ADGRB1: variants seen among roughly 807,000 people sequenced by gnomAD.
ADGRB1 encodes brain-specific angiogenesis inhibitor 1.
Under a neutral mutation model 175.7 loss-of-function variants are expected in ADGRB1, and 36 were observed. The ratio of observed to expected loss-of-function variants is 0.20; its 90% CI spans 0.16 to 0.27. ADGRB1 has a LOEUF of 0.27. Ranked by LOEUF, ADGRB1 falls within the 10% of genes least tolerant of loss-of-function variation. ADGRB1 has a pLI of 1.00. For synonymous variants in ADGRB1, 1,054 were observed against 979.4 expected (o/e 1.08, Z -1.42); for missense variants, 1,731 against 2,255.3 (o/e 0.77, Z 4.71).
chr8:142,473,694 G>A (rs1178909084), intron 2 of ADGRB1, among the ~76,000 whole-genome samples: 1 of 152,228 alleles, frequency 6.6e-6, no homozygotes, highest in Admixed American at 6.5e-5. Flanking sequence ...TGGGACCTGT[G>A]GGAGTATGGC....
rs373830140 is a variant in ADGRB1, at chr8:142,539,245, G to A, written c.3667-129G>A. 3.3e-3 allele frequency: 3,067 copies of A among 923,096 alleles called. 39 individuals are homozygous for A. The highest frequency in any genetic ancestry group is 0.026 in the South Asian group (1,584 of 59,994). 57.2% of individuals were successfully genotyped at this position (923,096 alleles called of 1,614,324 possible). A position where few individuals can be genotyped will look rare whatever the true frequency, so the allele number is the denominator to read the frequency against. On this transcript the variant is annotated intron_variant, in intron 26 of 30. Transcript: ENST00000517894. ...CATGGTCGCCCACGTGGGGCACTGG[G>A]CTGTGGACATGGACAGGGGTTCCTC... is the stretch of plus-strand genomic sequence containing the variant.
At chr8:142,518,320 G>A (rs1843569873) in intron 19 of ADGRB1, 79 bp downstream of exon 19, 1 of 1,462,756 alleles carries the variant, frequency 6.8e-7, no homozygotes, top group African/African-American at 1.4e-5. Context: ...GTCACGGGCG[G>A]GGTCGTGGGT....
chr8:142,476,675 G>T lies in ADGRB1; in HGVS notation c.1037G>T (p.Gly346Val). ...EELGDELQQF[G>V]FPAPQTGDPA... ...CTGGGGGACGAGCTGCAGCAGTTTGGGTTCCCAGCCCCCCAGACCGGTGAG... is the reference window on the plus strand; with the variant it reads ...CTGGGGGACGAGCTGCAGCAGTTTGTGTTCCCAGCCCCCCAGACCGGTGAG... The change falls in exon 4 of 31, where the codon GGG becomes GTG. Residue 346 changes from glycine to valine, a missense_variant. Gly to Val is a moderately radical substitution (Grantham distance 109). Coordinates refer to ENST00000517894, the MANE Select transcript of ADGRB1 (RefSeq NM_001702.3). 1.9e-6 allele frequency: 3 copies of T among 1,547,140 alleles called. No individual in the cohort carries two copies. Among genetic ancestry groups the T allele is most frequent in the Non-Finnish European group, 2.6e-6 (3 of 1,145,238 alleles).
intron 17 of ADGRB1, among the ~76,000 whole-genome samples, chr8:142,497,727 G>C (rs933090653): frequency 1.3e-5 from 2 of 152,214 alleles, no homozygotes. Flanking sequence ...GCCCCTTCCC[G>C]GGTACCCCTT....
At chr8:142,479,653 A>G in intron 8 of ADGRB1, 40 bp from the exon 9 acceptor site, 1 of 1,593,648 alleles carries the variant, frequency 6.3e-7, no homozygotes, top group Non-Finnish European at 8.6e-7. Flanking sequence ...GCCGGCTCTC[A>G]GTACCCCTTC....
intron 17 of ADGRB1, among the ~76,000 whole-genome samples, chr8:142,503,478 G>T (rs1002707030): frequency 6.6e-6 from 1 of 152,126 alleles, no homozygotes; most frequent in Non-Finnish European, 1.5e-5. Context: ...AGCGTAAAAG[G>T]GTGTGAGGTC....
At chr8:142,465,727 G>C (rs1840240476) in intron 2 of ADGRB1, among the ~76,000 whole-genome samples, 1 of 152,204 alleles carries the variant, frequency 6.6e-6, no homozygotes, top group Non-Finnish European at 1.5e-5. Context: ...GCCCCTCATG[G>C]CAGGGTTGCC....
intron 2 of ADGRB1, 123 bp downstream of exon 2, chr8:142,465,105 G>A: frequency 1.2e-6 from 1 of 868,890 alleles, no homozygotes. Context: ...GCAGGCGGAG[G>A]TGGGTGGGTA....
chr8:142,539,343 C>T lies in ADGRB1; in HGVS notation c.3667-31C>T, dbSNP rs766669991. On this transcript the variant is annotated intron_variant, in intron 26 of 30. Transcript: ENST00000517894. Reference sequence around the variant, plus strand: ...GCACACACCCCCGCTCCCAGAGGCGCTCACCCTGCCCTGTTGTCTCTGTCC... The same window carrying T: ...GCACACACCCCCGCTCCCAGAGGCGTTCACCCTGCCCTGTTGTCTCTGTCC... 5.1e-6 allele frequency: 8 copies of T among 1,566,462 alleles called. No individual in the cohort carries two copies. In the South Asian group the frequency reaches 9.4e-5, roughly 18 times the overall value.
At chr8:142,520,392 GATT>G (rs1843733191) in intron 19 of ADGRB1, among the ~76,000 whole-genome samples, 4 of 84,216 alleles carry the variant, frequency 4.7e-5, no homozygotes, top group East Asian at 4.2e-4. Flanking sequence ...TGATGGTAGT[GATT>G]GTGATGTTGG....
At chr8:142,481,396 C>T (rs1215864978) in intron 10 of ADGRB1, 36 bp downstream of exon 10, 4 of 1,608,322 alleles carry the variant, frequency 2.5e-6, no homozygotes, top group East Asian at 2.2e-5. Context: ...CAACCCCTCC[C>T]CAATCACCCT....
chr8:142,496,764 T>C (rs1259721849), intron 17 of ADGRB1, among the ~76,000 whole-genome samples: 1 of 152,112 alleles, frequency 6.6e-6, no homozygotes, highest in African/African-American at 2.4e-5. Context: ...CTGAAGCCCT[T>C]ACCATGCTAC....
chr8:142,516,538 T>C (rs546251653), intron 18 of ADGRB1, among the ~76,000 whole-genome samples: 40 of 144,280 alleles, frequency 2.8e-4, no homozygotes, highest in African/African-American at 1.0e-3. Context: ...GGTGCGTGCA[T>C]CTGTGTGGGC....
At chr8:142,470,773 G>C (rs1587276080) in intron 2 of ADGRB1, among the ~76,000 whole-genome samples, 1 of 152,302 alleles carries the variant, frequency 6.6e-6, no homozygotes, top group East Asian at 1.9e-4. Context: ...CGGCCACGGA[G>C]ATGGGGTGAC....
chr8:142,542,895 G>A lies in ADGRB1; in HGVS notation c.4413+248G>A, dbSNP rs1013349914. ...TCAGGGACCCACAGTCTGGACCCAC[G>A]GAGCAGGACCTGCACCTCGCACAGT... is the stretch of plus-strand genomic sequence containing the variant. On this transcript the variant is annotated intron_variant, in intron 28 of 30. Transcript: ENST00000517894. This position sits in a 1 kb window ranked among gnomAD's most constrained non-coding sequence, Gnocchi z 6.3. Among the ~76,000 whole-genome samples, 2 of 152,198 alleles carry A rather than the reference G, an allele frequency of 1.3e-5. No individual in the cohort carries two copies. Among genetic ancestry groups the A allele is most frequent in the Non-Finnish European group, 2.9e-5 (2 of 68,018 alleles).
At chr8:142,516,801 C>G (rs544116022) in intron 18 of ADGRB1, among the ~76,000 whole-genome samples, 2 of 152,236 alleles carry the variant, frequency 1.3e-5, no homozygotes, top group East Asian at 3.9e-4. Flanking sequence ...GAGGACAAGT[C>G]AGGCATGGCG....
intron 16 of ADGRB1, among the ~76,000 whole-genome samples, chr8:142,489,827 A>G (rs7826002): frequency 0.58 from 88,258 of 151,928 alleles, 25,980 homozygotes; most frequent in Middle Eastern, 0.67. Flanking sequence ...CAGGACTGAC[A>G]CCAGGCCTCG....
chr8:142,539,080 AC>A (rs1230518674), intron 26 of ADGRB1, among the ~76,000 whole-genome samples: 1 of 152,174 alleles, frequency 6.6e-6, no homozygotes, highest in Non-Finnish European at 1.5e-5. Flanking sequence ...ATTTACAAAC[AC>A]CTGAATCCAC....
intron 21 of ADGRB1, 41 bp downstream of exon 21, chr8:142,522,156 T>C: frequency 1.3e-6 from 2 of 1,589,390 alleles, no homozygotes; most frequent in South Asian, 2.2e-5. Context: ...CAGATACCCT[T>C]CCTCCCCCAC....
Sources: gnomAD v4.1 joint callset for allele counts (sites outside exome capture counted in the v4.1 genomes callset) on GRCh38, gnomAD v4.1.1 for gene constraint, Gnocchi (gnomAD v3.1) non-coding constraint, MANE v1.5 for transcripts, NCBI Gene and HGNC (gene_info 2026-07-23, HGNC 2026-07-21) for gene names.